LRRC28: variants seen among roughly 807,000 people sequenced by gnomAD.
The protein encoded by LRRC28 is leucine-rich repeat-containing protein 28.
In LRRC28, 39 loss-of-function variants were observed where a neutral mutation model predicts 45.7. That is an observed-to-expected ratio of 0.85 (90% confidence interval 0.66 to 1.12). LRRC28 has a LOEUF of 1.12. Among genes scored for constraint, LRRC28 ranks in the 50% most tolerant of loss-of-function variants. The probability of loss-of-function intolerance (pLI) is 0.00; values close to 1 mark genes in which losing one functional copy is unlikely to be tolerated. For missense variants in LRRC28, 435 were observed against 438.5 expected (o/e 0.99, Z 0.07); for synonymous variants, 206 against 178.8 (o/e 1.15, Z -1.22).
chr15:99,377,294 C>G (rs1344471813), intron 9 of LRRC28, among the ~76,000 whole-genome samples: 2 of 151,856 alleles, frequency 1.3e-5, no homozygotes, highest in African/African-American at 4.9e-5. Context: ...CTCTGATGGC[C>G]AGTGATGATG....
chr15:99,295,105 C>T (rs35392078), intron 5 of LRRC28, among the ~76,000 whole-genome samples: 8,118 of 152,166 alleles, frequency 0.053, 285 homozygotes, highest in Admixed American at 0.11. Flanking sequence ...TGTGTTTTGG[C>T]GGGAGGCATG....
intron 5 of LRRC28, among the ~76,000 whole-genome samples, chr15:99,328,656 A>G (rs1956061777): frequency 6.7e-6 from 1 of 149,538 alleles, no homozygotes. Flanking sequence ...TGAGTGGACT[A>G]GGTAGGGAAA....
intron 5 of LRRC28, among the ~76,000 whole-genome samples, chr15:99,320,925 C>G (rs1310455851): frequency 6.6e-6 from 1 of 152,058 alleles, no homozygotes. Flanking sequence ...TTTTTAAGTT[C>G]AAATAAGATC....
chr15:99,273,717 A>G lies in LRRC28; in HGVS notation c.169-2859A>G, dbSNP rs550760545. On this transcript the variant is annotated intron_variant, in intron 2 of 9. Transcript: ENST00000301981. ...TGTAGAGCTACACCTCAAAAGAACT[A>G]ACTAGTTTGTCATGGAAAGATTAGA... 5.9e-5 allele frequency among the ~76,000 whole-genome samples: 9 copies of G among 152,306 alleles called. No individual in the cohort carries two copies. In the East Asian group the frequency reaches 1.7e-3, roughly 29 times the overall value.
chr15:99,352,568 GGTATC>G, intron 7 of LRRC28, 97 bp downstream of exon 7: 1 of 909,444 alleles, frequency 1.1e-6, no homozygotes, highest in Non-Finnish European at 1.7e-6. Context: ...TGCTAAACCA[GGTATC>G]CTTAGAAACT....
chr15:99,305,683 T>G (rs1285243344), intron 5 of LRRC28, among the ~76,000 whole-genome samples: 1 of 152,174 alleles, frequency 6.6e-6, no homozygotes, highest in Non-Finnish European at 1.5e-5. Flanking sequence ...AAATTTGGGG[T>G]CAGTAAAATT....
At chr15:99,315,761 G>A (rs71403443) in intron 5 of LRRC28, among the ~76,000 whole-genome samples, 8,612 of 152,242 alleles carry the variant, frequency 0.057, 306 homozygotes, top group Admixed American at 0.12. Context: ...TTAAGGTAAG[G>A]TATCAGAAAT....
chr15:99,264,069 C>T (rs775828069), intron 2 of LRRC28, among the ~76,000 whole-genome samples: 6 of 152,208 alleles, frequency 3.9e-5, no homozygotes, highest in Non-Finnish European at 5.9e-5. Context: ...GGCCAGTTTT[C>T]TTCTGCAGAA....
At chr15:99,333,814 A>T in intron 5 of LRRC28, 109 bp from the exon 6 acceptor site, 1 of 1,105,874 alleles carries the variant, frequency 9.0e-7, no homozygotes, top group South Asian at 1.5e-5. Flanking sequence ...GTTTATGGGA[A>T]TAGTCGCAGC....
At chr15:99,315,893 T>G (rs1039165505) in intron 5 of LRRC28, among the ~76,000 whole-genome samples, 1 of 152,178 alleles carries the variant, frequency 6.6e-6, no homozygotes, top group South Asian at 2.1e-4. Context: ...AGCAAGAACC[T>G]GTCTCCAAAA....
chr15:99,303,487 T>G (rs957960593), intron 5 of LRRC28, among the ~76,000 whole-genome samples: 4 of 152,104 alleles, frequency 2.6e-5, no homozygotes, highest in Non-Finnish European at 5.9e-5. Context: ...ATTGATAAGG[T>G]GTTATAACAA....
intron 1 of LRRC28, among the ~76,000 whole-genome samples, chr15:99,253,534 C>T (rs2080928105): frequency 6.6e-6 from 1 of 152,142 alleles, no homozygotes; most frequent in East Asian, 1.9e-4. Context: ...ATTGGAAAAG[C>T]CCAGAAGCTT....
chr15:99,376,277 T>C (rs1315420232), intron 9 of LRRC28, among the ~76,000 whole-genome samples: 1 of 152,190 alleles, frequency 6.6e-6, no homozygotes, highest in Non-Finnish European at 1.5e-5. Context: ...TTTCTATGTG[T>C]TTGAAGATTT....
intron 6 of LRRC28, among the ~76,000 whole-genome samples, chr15:99,347,680 A>G (rs751812348): frequency 4.6e-5 from 7 of 152,184 alleles, no homozygotes; most frequent in African/African-American, 7.2e-5. Flanking sequence ...TCATTCATCA[A>G]TGGGCATTTA....
intron 9 of LRRC28, among the ~76,000 whole-genome samples, chr15:99,381,182 A>G (rs948805889): frequency 8.5e-5 from 13 of 152,182 alleles, no homozygotes; most frequent in African/African-American, 3.1e-4. Context: ...TCAGACGTAG[A>G]TTTGGTCTTT....
At chr15:99,294,341 T>G (rs2082209632) in intron 5 of LRRC28, among the ~76,000 whole-genome samples, 1 of 151,822 alleles carries the variant, frequency 6.6e-6, no homozygotes, top group African/African-American at 2.4e-5. Context: ...TTCTTCTTCT[T>G]TTTTTTTAAT....
At chr15:99,336,929 A>G (rs1956344063) in intron 6 of LRRC28, among the ~76,000 whole-genome samples, 1 of 152,198 alleles carries the variant, frequency 6.6e-6, no homozygotes, top group Non-Finnish European at 1.5e-5. Flanking sequence ...TACTGGCTAC[A>G]TTGAGCCTGC....
intron 5 of LRRC28, chr15:99,317,388 C>G (rs1395291709): frequency 6.6e-6 from 1 of 152,136 alleles, no homozygotes; most frequent in Admixed American, 6.5e-5. Flanking sequence ...GGTTTCCTGA[C>G]TTGATAATGC....
chr15:99,333,601 C>T, intron 5 of LRRC28: 2 of 319,302 alleles, frequency 6.3e-6, no homozygotes, highest in South Asian at 1.0e-4. Context: ...CTTTTCTCAC[C>T]CTGGCAACAA....
Sources: gnomAD v4.1 joint callset for allele counts (sites outside exome capture counted in the v4.1 genomes callset) on GRCh38, gnomAD v4.1.1 for gene constraint, MANE v1.5 for transcripts, NCBI Gene and HGNC (gene_info 2026-07-23, HGNC 2026-07-21) for gene names.